MELTF: variants seen among roughly 807,000 people sequenced by gnomAD.
MELTF encodes the protein melanotransferrin.
In MELTF, 67 loss-of-function variants were observed where a neutral mutation model predicts 83.7. The ratio of observed to expected loss-of-function variants is 0.80; its 90% CI spans 0.66 to 0.98. MELTF has a LOEUF of 0.98. Among genes scored for constraint, MELTF ranks in the 50% least tolerant of loss-of-function variants. The pLI, the probability that MELTF is intolerant of heterozygous loss-of-function variation, is 0.00. For missense variants in MELTF, 1,002 were observed against 1,035.6 expected (o/e 0.97, Z 0.44); for synonymous variants, 462 against 447.6 (o/e 1.03, Z -0.41).
chr3:197,027,890 G>T lies in MELTF; in HGVS notation c.70C>A (p.Arg24=). ...LRTVLGGMEV[R]WCATSDPEQH... is the part of the protein sequence containing the mutation. ...TCTGGGTCCGAGGTGGCGCACCACC[G>T]CACCTCCATGCCACCGAGCACTGCG... The change falls in exon 2 of 16, where the codon CGG becomes AGG. Residue 24 remains arginine, a synonymous_variant. Transcript: ENST00000296350. 3 of 1,598,396 alleles carry T rather than the reference G, an allele frequency of 1.9e-6. No homozygotes were observed. The highest frequency in any genetic ancestry group is 1.7e-6 in the Non-Finnish European group (2 of 1,174,160).
In MELTF at chr3:197,007,284, A is replaced by C. The variant is rs1043293724; in HGVS notation, c.1751-548T>G. 6.6e-6 allele frequency among the ~76,000 whole-genome samples: 1 copy of C among 152,134 alleles called. No homozygotes were observed. Among genetic ancestry groups the C allele is most frequent in the African/African-American group, 2.4e-5 (1 of 41,420 alleles). Reference sequence around the variant, plus strand: ...AGGAGGTCTCAGATCAGGCTCAAGAATCTGCATGTTAAACCAGCATCCCAC... The same window carrying C: ...AGGAGGTCTCAGATCAGGCTCAAGACTCTGCATGTTAAACCAGCATCCCAC... On this transcript the variant is annotated intron_variant, in intron 13 of 15. Transcript: ENST00000296350. This position sits in a 1 kb window ranked among gnomAD's most constrained non-coding sequence, Gnocchi z 4.3.
chr3:197,016,321 C>T lies in MELTF; in HGVS notation c.949G>A (p.Ala317Thr), dbSNP rs777777987. ...GSSFQMFSSE[A>T]YGQKDLLFKD... Reference sequence around the variant, plus strand: ...AAGAGTAGATCCTTCTGGCCATAGGCCTCAGAGCTGAACATCTGGAAGCTG... The same window carrying T: ...AAGAGTAGATCCTTCTGGCCATAGGTCTCAGAGCTGAACATCTGGAAGCTG... Residue 317 changes from alanine (A) to threonine (T), a missense_variant, in exon 8 of 16, where the codon GCC becomes ACC. Coordinates refer to ENST00000296350, the MANE Select transcript of MELTF (RefSeq NM_005929.6). The T allele has an allele frequency of 1.2e-6, 2 of 1,609,804 alleles. No homozygotes were observed. Among genetic ancestry groups the T allele is most frequent in the Non-Finnish European group, 1.7e-6 (2 of 1,177,918 alleles).
Position 197,009,625 on chromosome 3 carries a change from G to C in MELTF, c.1518C>G (p.Val506=). ...CTAAAAAGGGGGGGGTACCTGTGAG[G>C]ACGTCACAGTCCTTGGGCCGGATGA... ...RGFIRPKDCD[V]LTAVSEFFNA... The change falls in exon 11 of 16, where the codon GTC becomes GTG. Residue 506 remains valine, a synonymous_variant. Coordinates refer to ENST00000296350, the MANE Select transcript of MELTF (RefSeq NM_005929.6). The C allele has an allele frequency of 6.2e-7, 1 of 1,605,536 alleles. No homozygotes were observed.
intron 5 of MELTF, 137 bp from the exon 6 acceptor site, chr3:197,021,608 C>T: frequency 1.3e-6 from 1 of 752,168 alleles, no homozygotes; most frequent in Non-Finnish European, 2.2e-6. Flanking sequence ...TGGGTTCCAG[C>T]TCCCTGGCTG....
intron 2 of MELTF, chr3:197,027,008 T>G (rs145836701): frequency 2.0e-6 from 1 of 502,346 alleles, no homozygotes. Flanking sequence ...TCAGATATCA[T>G]AGTAAAAAAA....
rs564696801 is a variant in MELTF at position 197,021,262 on chromosome 3, G to A, written c.712+142C>T. 2.0e-4 allele frequency: 142 copies of A among 703,978 alleles called. 1 individual carries two copies. The East Asian group carries it at 2.9e-3, about 14-fold the overall frequency. 43.6% of individuals were successfully genotyped at this position (703,978 alleles called of 1,614,324 possible). A position where few individuals can be genotyped will look rare whatever the true frequency, so the allele number is the denominator to read the frequency against. Reference sequence around the variant, plus strand: ...GGAGTGCTGAGGCTCGGAGACTGTGGGACTTGTCCAAGGTCACCCAGAGAC... The same window carrying A: ...GGAGTGCTGAGGCTCGGAGACTGTGAGACTTGTCCAAGGTCACCCAGAGAC... On this transcript the variant is annotated intron_variant, in intron 6 of 15. Transcript: ENST00000296350.
At chr3:197,016,467 G>T in intron 7 of MELTF, 98 bp from the exon 8 acceptor site, 2 of 1,160,822 alleles carry the variant, frequency 1.7e-6, no homozygotes, top group Non-Finnish European at 2.4e-6. Context: ...CCCGACCTCA[G>T]ACCAGGCACC....
Position 197,029,752 on chromosome 3 carries a change from A to G in MELTF, c.-50T>C. 1 of 1,189,634 alleles carries G rather than the reference A, an allele frequency of 8.4e-7. No individual in the cohort carries two copies. Among genetic ancestry groups the G allele is most frequent in the African/African-American group, 1.6e-5 (1 of 63,148 alleles). The allele number at this position is 1,189,634 out of a possible 1,614,324, so 73.7% of individuals were successfully genotyped here. On this transcript the variant is annotated 5_prime_UTR_variant, in exon 1 of 16. Transcript: ENST00000296350. The surrounding 1 kb of genome is among the most constrained non-coding windows in gnomAD (Gnocchi z 6.5). ...CGGGCTGGGGCTGGGTCCGGGTCCG[A>G]GGAGGTCCGCAGCAGCCGGGCTTCC...
At position 197,006,003 on chromosome 3, in the gene MELTF, G is replaced by A. The variant is rs577804658; in HGVS notation, c.1938+546C>T. 3.5e-4 allele frequency among the ~76,000 whole-genome samples: 54 copies of A among 152,204 alleles called. No homozygotes were observed. The highest frequency in any genetic ancestry group is 1.3e-3 in the African/African-American group (53 of 41,524). On this transcript the variant is annotated intron_variant, in intron 14 of 15. Transcript: ENST00000296350. This position sits in a 1 kb window ranked among gnomAD's most constrained non-coding sequence, Gnocchi z 5.4. ...TGGGAGGCCGAGGTGGGCGGATCACGAGGTCAGGAGATCGAGACCATCCTG... is the reference window on the plus strand; with the variant it reads ...TGGGAGGCCGAGGTGGGCGGATCACAAGGTCAGGAGATCGAGACCATCCTG...
rs1379546660 is a variant in MELTF, at chr3:197,002,471, G to A, written c.*901C>T. 2 of 152,208 alleles carry A rather than the reference G, an allele frequency of 1.3e-5. No homozygotes were observed. Among genetic ancestry groups the A allele is most frequent in the Non-Finnish European group, 2.9e-5 (2 of 68,056 alleles). 9.4% of individuals were successfully genotyped at this position (152,208 alleles called of 1,614,324 possible). ...GAGTGAGGGGTCCCCAGGCCCAGCGGGTGCGGGGCCGGGTGAGGAGACGGA... is the reference window on the plus strand; with the variant it reads ...GAGTGAGGGGTCCCCAGGCCCAGCGAGTGCGGGGCCGGGTGAGGAGACGGA... On this transcript the variant is annotated 3_prime_UTR_variant, in exon 16 of 16. Transcript: ENST00000296350.
chr3:197,006,667 G>C lies in MELTF; in HGVS notation c.1820C>G (p.Ala607Gly). 1 of 1,597,164 alleles carries C rather than the reference G, an allele frequency of 6.3e-7. No homozygotes were observed. Among genetic ancestry groups the C allele is most frequent in the Non-Finnish European group, 8.5e-7 (1 of 1,171,594 alleles). ...EDYELLCPNG[A>G]RAEVSQFAAC... ...TGCAAACTGGGACACCTCGGCTCGG[G>C]CCCCGTTGGGGCACAGCAGTTCATA... The change falls in exon 14 of 16, where the codon GCC becomes GGC. Residue 607 changes from alanine to glycine, a missense_variant. Transcript: ENST00000296350. The surrounding 1 kb of genome is among the most constrained non-coding windows in gnomAD (Gnocchi z 5.4).
At position 197,024,467 on chromosome 3, in the gene MELTF, TA is replaced by T; in HGVS notation, c.322del (p.Tyr108ThrfsTer12). On this transcript the variant is annotated frameshift_variant, in exon 4 of 16. Transcript: ENST00000296350. LOFTEE classifies it high-confidence loss of function. The surrounding 1 kb of genome is among the most constrained non-coding windows in gnomAD (Gnocchi z 5.3). Reference protein sequence around the residue: ...VYDQEVGTSYYAVAVVRRSSH... With the variant: ...VYDQEVGTSYXAVAVVRRSSH... Reference sequence around the variant, plus strand: ...GCTCCTCCTGACCACAGCCACGGCGTAATAGGAGGTACCGACCTCTAGGAGG... The same window carrying T: ...GCTCCTCCTGACCACAGCCACGGCGTATAGGAGGTACCGACCTCTAGGAGG... The T allele has an allele frequency of 6.3e-7, 1 of 1,591,394 alleles. No homozygotes were observed. Among genetic ancestry groups the T allele is most frequent in the Non-Finnish European group, 8.6e-7 (1 of 1,164,426 alleles).
At chr3:197,017,880 A>G (rs906918580) in intron 6 of MELTF, among the ~76,000 whole-genome samples, 15 of 152,172 alleles carry the variant, frequency 9.9e-5, no homozygotes, top group African/African-American at 3.1e-4. Context: ...CTGTCTCAAA[A>G]AAAAAGAAAG....
At position 197,021,167 on chromosome 3, in the gene MELTF, G is replaced by A. The variant is rs1007644714; in HGVS notation, c.712+237C>T. The A allele has an allele frequency of 5.7e-6, 3 of 527,618 alleles. No homozygotes were observed. In the African/African-American group the frequency reaches 5.8e-5, roughly 10 times the overall value. The allele number at this position is 527,618 out of a possible 1,614,324, so 32.7% of individuals were successfully genotyped here. On this transcript the variant is annotated intron_variant, in intron 6 of 15. Coordinates refer to ENST00000296350, the MANE Select transcript of MELTF (RefSeq NM_005929.6). ...CAAAGCAGAGCAGAGCTGCTCGCTG[G>A]CCCCCTTCTCCTGCCCTGTGGGCAG... is the stretch of plus-strand genomic sequence containing the variant.
At chr3:197,028,594 T>C (rs1284291612) in intron 1 of MELTF, 1 of 152,674 alleles carries the variant, frequency 6.5e-6, no homozygotes, top group Non-Finnish European at 1.5e-5. Flanking sequence ...GTAAACCCCC[T>C]TGTAGAGAGC....
In MELTF at chr3:197,007,963, A is replaced by T. The variant is rs938571222; in HGVS notation, c.1750+694T>A. On this transcript the variant is annotated intron_variant, in intron 13 of 15. Transcript: ENST00000296350. The surrounding 1 kb of genome is among the most constrained non-coding windows in gnomAD (Gnocchi z 4.3). ...TCAAAGCCTGGGGTGTAGGCAGGGT[A>T]TGCAGACAGTACAAGCCTTTGGTGT... is the stretch of plus-strand genomic sequence containing the variant. Among the ~76,000 whole-genome samples the T allele has an allele frequency of 2.0e-5, 3 of 152,194 alleles. No individual in the cohort carries two copies. Among genetic ancestry groups the T allele is most frequent in the African/African-American group, 7.2e-5 (3 of 41,442 alleles).
At chr3:197,015,221 C>T (rs891693232) in intron 9 of MELTF, 144 bp downstream of exon 9, 30 of 1,051,990 alleles carry the variant, frequency 2.9e-5, no homozygotes, top group African/African-American at 1.3e-4. Context: ...CCCCTGCGGT[C>T]GCTCCTCCCC....
chr3:197,019,486 C>T, intron 6 of MELTF: 1 of 1,475,930 alleles, frequency 6.8e-7, no homozygotes, highest in Admixed American at 2.2e-5. Flanking sequence ...GCCTGTCATC[C>T]CAGCTACTCA....
chr3:197,014,962 A>G (rs367748127), intron 9 of MELTF, among the ~76,000 whole-genome samples: 2 of 152,246 alleles, frequency 1.3e-5, no homozygotes, highest in East Asian at 3.8e-4. Context: ...AAGTCGAACA[A>G]TGATCCACGC....
Sources: allele counts gnomAD v4.1 joint callset (sites outside exome capture counted in the v4.1 genomes callset), GRCh38; gene constraint gnomAD v4.1.1; non-coding constraint Gnocchi (gnomAD v3.1); transcripts MANE v1.5; gene names NCBI Gene and HGNC (gene_info 2026-07-23, HGNC 2026-07-21).